Variants in NFIB observed in about 807,000 individuals in gnomAD.
The protein encoded by NFIB is nuclear factor 1 B-type.
NFIB carries 11 observed loss-of-function variants against 61.5 expected under a neutral mutation model. The ratio of observed to expected loss-of-function variants is 0.18; its 90% CI spans 0.11 to 0.30. The LOEUF is 0.30. Among genes scored for constraint, NFIB ranks in the 10% least tolerant of loss-of-function variants. The pLI is 1.00. For missense variants in NFIB, 471 were observed against 608.9 expected (o/e 0.77, Z 2.38); for synonymous variants, 260 against 216.5 (o/e 1.20, Z -1.76).
chr9:14,229,361 T>G (rs940622367), intron 2 of NFIB, among the ~76,000 whole-genome samples: 1 of 152,190 alleles, frequency 6.6e-6, no homozygotes, highest in Admixed American at 6.5e-5. Flanking sequence ...GATGGCCTTA[T>G]GAAGAATTAT....
chr9:14,172,664 G>C (rs1419664715), intron 3 of NFIB, among the ~76,000 whole-genome samples: 2 of 151,998 alleles, frequency 1.3e-5, no homozygotes, highest in Non-Finnish European at 2.9e-5. Context: ...GAAAGCATCT[G>C]TTTCTTTTGC....
Position 14,086,811 on chromosome 9 carries a change from T to A in NFIB, c.*1498A>T. On this transcript the variant is annotated 3_prime_UTR_variant, in exon 11 of 11. Transcript: ENST00000380953. ...TTTTTTTTGTTTTTTGTTTTTTAGA[T>A]TTCAAGGCAAGGCACGTAATGTGGA... The A allele has an allele frequency of 4.9e-6, 1 of 205,076 alleles. No homozygotes were observed. The highest frequency in any genetic ancestry group is 7.5e-5 in the East Asian group (1 of 13,368). 12.7% of individuals were successfully genotyped at this position (205,076 alleles called of 1,614,324 possible).
chr9:14,410,065 G>A, the NFIB span, among the ~76,000 whole-genome samples: 1 of 151,824 alleles, frequency 6.6e-6, no homozygotes, highest in East Asian at 1.9e-4. Flanking sequence ...GGGGGTGAGG[G>A]GCAGGTTTCT....
the NFIB span, among the ~76,000 whole-genome samples, chr9:14,478,570 G>C: frequency 6.6e-6 from 1 of 152,008 alleles, no homozygotes; most frequent in Admixed American, 6.6e-5. Flanking sequence ...TTACAAAATG[G>C]GACAATATAA....
the NFIB span, among the ~76,000 whole-genome samples, chr9:14,464,185 A>C: frequency 6.6e-6 from 1 of 152,238 alleles, no homozygotes; most frequent in Non-Finnish European, 1.5e-5. Flanking sequence ...CCAGGATGAT[A>C]ATCAAACAAT....
chr9:14,342,359 G>A (rs997017002), intron 1 of NFIB, among the ~76,000 whole-genome samples: 2 of 152,068 alleles, frequency 1.3e-5, no homozygotes, highest in Non-Finnish European at 2.9e-5. Flanking sequence ...GAAAACTGGG[G>A]CAAGTGGCAT....
chr9:14,213,975 C>T (rs12682686), intron 2 of NFIB, among the ~76,000 whole-genome samples: 23,632 of 152,074 alleles, frequency 0.16, 2,239 homozygotes, highest in South Asian at 0.34. Context: ...CCTCATTTCA[C>T]CTCACATCAT....
the NFIB span, among the ~76,000 whole-genome samples, chr9:14,418,201 C>T: frequency 1.3e-5 from 2 of 152,176 alleles, no homozygotes; most frequent in East Asian, 1.9e-4. Flanking sequence ...CACATCTTCT[C>T]GTCCCTGCAC....
intron 10 of NFIB, 43 bp downstream of exon 10, chr9:14,112,956 G>A (rs1197248334): frequency 3.9e-6 from 6 of 1,537,582 alleles, no homozygotes; most frequent in South Asian, 1.2e-5. Context: ...GCACGGAAGC[G>A]AAAGCGTGGC....
chr9:14,176,449 C>T (rs2046203059), intron 3 of NFIB, among the ~76,000 whole-genome samples: 1 of 151,972 alleles, frequency 6.6e-6, no homozygotes, highest in Non-Finnish European at 1.5e-5. Flanking sequence ...ATTACGGTGC[C>T]CACCCCTGCC....
At chr9:14,360,935 C>T (rs1407487332) in intron 1 of NFIB, among the ~76,000 whole-genome samples, 1 of 152,036 alleles carries the variant, frequency 6.6e-6, no homozygotes, top group Non-Finnish European at 1.5e-5. Flanking sequence ...TGTGGAAGAG[C>T]ACTTTTCTGA....
At chr9:14,159,651 A>T (rs557853623) in intron 3 of NFIB, among the ~76,000 whole-genome samples, 2 of 152,364 alleles carry the variant, frequency 1.3e-5, no homozygotes, top group East Asian at 3.9e-4. Flanking sequence ...ATCATGGATG[A>T]AATAGTACTC....
At chr9:14,297,596 A>C (rs992095978) in intron 2 of NFIB, among the ~76,000 whole-genome samples, 1 of 152,214 alleles carries the variant, frequency 6.6e-6, no homozygotes, top group African/African-American at 2.4e-5. Flanking sequence ...GAATGCAGAA[A>C]TCTACTGCTT....
chr9:14,370,754 T>A (rs372097638), intron 1 of NFIB, among the ~76,000 whole-genome samples: 3 of 152,228 alleles, frequency 2.0e-5, no homozygotes, highest in East Asian at 1.9e-4. Flanking sequence ...CATAGGGCTT[T>A]TTTGACCCCT....
At chr9:14,435,120 T>C in the NFIB span, among the ~76,000 whole-genome samples, 39,238 of 152,038 alleles carry the variant, frequency 0.26, 5,374 homozygotes, top group Middle Eastern at 0.36. Flanking sequence ...TTGCTTGGAG[T>C]TCCTGCTCCT....
chr9:14,474,942 A>G, the NFIB span, among the ~76,000 whole-genome samples: 1 of 152,218 alleles, frequency 6.6e-6, no homozygotes, highest in Non-Finnish European at 1.5e-5. Flanking sequence ...CTGTCTTTCT[A>G]TCTGGGCCCT....
intron 2 of NFIB, among the ~76,000 whole-genome samples, chr9:14,182,964 G>T (rs1163987513): frequency 6.6e-6 from 1 of 151,892 alleles, no homozygotes; most frequent in Non-Finnish European, 1.5e-5. Context: ...GTAAATAAAA[G>T]ATATTAATAT....
the NFIB span, among the ~76,000 whole-genome samples, chr9:14,523,141 G>C: frequency 1.2e-4 from 19 of 152,048 alleles, no homozygotes; most frequent in East Asian, 2.9e-3. Flanking sequence ...TACTTCATGA[G>C]AGCCCTGAGG....
chr9:14,267,715 A>G (rs1312585216), intron 2 of NFIB, among the ~76,000 whole-genome samples: 1 of 152,256 alleles, frequency 6.6e-6, no homozygotes, highest in Non-Finnish European at 1.5e-5. Flanking sequence ...CCCTGAGGGC[A>G]GAGACCATGT....
Sources: allele counts gnomAD v4.1 joint callset (sites outside exome capture counted in the v4.1 genomes callset), GRCh38; gene constraint gnomAD v4.1.1; transcripts MANE v1.5; gene names NCBI Gene and HGNC (gene_info 2026-07-23, HGNC 2026-07-21).